ERC2: variants seen among roughly 807,000 people sequenced by gnomAD.
ERC2 encodes the protein ELKS/RAB6-interacting/CAST family member 2.
Under a neutral mutation model 114.8 loss-of-function variants are expected in ERC2, and 42 were observed. The observed-to-expected ratio is 0.37, with a 90% CI of 0.29 to 0.47. The LOEUF is 0.47. Among genes scored for constraint, ERC2 ranks in the 20% least tolerant of loss-of-function variants. The pLI is 0.99. For synonymous variants in ERC2, 454 were observed against 425.5 expected, an observed-to-expected ratio of 1.07 and a Z score of -0.82; for missense variants, 939 against 1,150.7, an observed-to-expected ratio of 0.82 and a Z score of 2.66.
intron 14 of ERC2, among the ~76,000 whole-genome samples, chr3:55,752,839 G>C (rs2066802150): frequency 6.6e-6 from 1 of 152,114 alleles, no homozygotes; most frequent in Admixed American, 6.5e-5. Context: ...AGATACTCTT[G>C]ACACAGAAAA....
intron 3 of ERC2, among the ~76,000 whole-genome samples, chr3:56,192,610 C>T (rs1194904774): frequency 6.6e-6 from 1 of 152,082 alleles, no homozygotes; most frequent in Non-Finnish European, 1.5e-5. Context: ...AAACCCAGGC[C>T]TCCCTAAACA....
chr3:56,397,705 C>T (rs11711109), intron 2 of ERC2, among the ~76,000 whole-genome samples: 39,168 of 152,096 alleles, frequency 0.26, 5,345 homozygotes, highest in Non-Finnish European at 0.3. Context: ...AAGATAACAG[C>T]GGCTTAAACA....
intron 2 of ERC2, among the ~76,000 whole-genome samples, chr3:56,384,095 T>C (rs1348557049): frequency 6.6e-6 from 1 of 152,180 alleles, no homozygotes; most frequent in African/African-American, 2.4e-5. Flanking sequence ...TATCCATTCA[T>C]CCACTGAGGG....
chr3:55,533,120 G>A (rs539169770), intron 17 of ERC2, among the ~76,000 whole-genome samples: 9 of 152,328 alleles, frequency 5.9e-5, no homozygotes, highest in African/African-American at 2.2e-4. Flanking sequence ...ACCAAAATAT[G>A]CTTCTCGCCT....
rs537762508 is a variant in ERC2, at chr3:56,428,923, G to A, written c.657+5428C>T. Among the ~76,000 whole-genome samples the A allele has an allele frequency of 3.9e-5, 6 of 152,272 alleles. No individual in the cohort carries two copies. In the South Asian group the frequency reaches 1.2e-3, roughly 32 times the overall value. On this transcript the variant is annotated intron_variant, in intron 2 of 17. Transcript: ENST00000288221. ...GATCTAGTACAATCTCCGAGTGTGT[G>A]GTGCTATTTATATTCATGCAGAGCC...
intron 1 of ERC2, among the ~76,000 whole-genome samples, chr3:56,459,008 C>T (rs1351400954): frequency 6.6e-6 from 1 of 152,176 alleles, no homozygotes; most frequent in African/African-American, 2.4e-5. Flanking sequence ...TGATGCCCAC[C>T]AGTATCACTG....
intron 14 of ERC2, among the ~76,000 whole-genome samples, chr3:55,819,958 T>C (rs1461474438): frequency 6.6e-6 from 1 of 152,218 alleles, no homozygotes; most frequent in African/African-American, 2.4e-5. Flanking sequence ...GGGTTCCCAA[T>C]TAGCCTCTTG....
At chr3:55,835,166 C>G (rs2060813696) in intron 14 of ERC2, among the ~76,000 whole-genome samples, 1 of 152,062 alleles carries the variant, frequency 6.6e-6, no homozygotes, top group Non-Finnish European at 1.5e-5. Flanking sequence ...CGAATTCTAC[C>G]AGAGGTACAA....
intron 17 of ERC2, among the ~76,000 whole-genome samples, chr3:55,680,229 T>A (rs1194762093): frequency 6.6e-6 from 1 of 152,248 alleles, no homozygotes; most frequent in Admixed American, 6.5e-5. Flanking sequence ...AATTTGCATA[T>A]GTTTTCAATC....
At chr3:56,193,901 G>A (rs1328789698) in intron 3 of ERC2, among the ~76,000 whole-genome samples, 1 of 152,168 alleles carries the variant, frequency 6.6e-6, no homozygotes, top group African/African-American at 2.4e-5. Flanking sequence ...ACACTTCTAT[G>A]TTTATGGTCC....
rs145690085 is a variant in ERC2, at chr3:55,598,544, T to G, written c.*39+85250A>C. Among the ~76,000 whole-genome samples the G allele has an allele frequency of 7.3e-3, 1,107 of 152,370 alleles. 13 individuals are homozygous for G. Among genetic ancestry groups the G allele is most frequent in the African/African-American group, 0.025 (1,045 of 41,604 alleles). ...GTCACTAGCATTTCAGACACCTGCA[T>G]AGTCAACTTGATTCTTTTGCACTGC... On this transcript the variant is annotated intron_variant, in intron 17 of 17. Coordinates refer to ENST00000288221, the MANE Select transcript of ERC2 (RefSeq NM_015576.3).
chr3:56,018,399 G>A (rs180766972), intron 8 of ERC2, among the ~76,000 whole-genome samples: 26 of 152,256 alleles, frequency 1.7e-4, no homozygotes, highest in African/African-American at 5.8e-4. Flanking sequence ...AGAGAGTGAG[G>A]AATATCCTCA....
chr3:55,933,824 T>C (rs1161057024), intron 13 of ERC2, among the ~76,000 whole-genome samples: 2 of 152,182 alleles, frequency 1.3e-5, no homozygotes, highest in Non-Finnish European at 2.9e-5. Context: ...CATATTTAGC[T>C]CAACCTACGC....
intron 4 of ERC2, among the ~76,000 whole-genome samples, chr3:56,162,555 A>C (rs1354166729): frequency 6.6e-6 from 1 of 152,130 alleles, no homozygotes; most frequent in Non-Finnish European, 1.5e-5. Flanking sequence ...TCAATTTTAG[A>C]ACTCAATATT....
At chr3:55,821,010 G>A (rs78765946) in intron 14 of ERC2, among the ~76,000 whole-genome samples, 3,639 of 152,154 alleles carry the variant, frequency 0.024, 79 homozygotes, top group South Asian at 0.084. Context: ...AGAGAAGAAG[G>A]AAGGAAACAG....
rs1186004729 is a variant in ERC2, at chr3:55,888,419, C to T, written c.2534G>A (p.Arg845Lys). The change falls in exon 14 of 18, where the codon AGG becomes AAG. Residue 845 changes from arginine (R) to lysine (K), a missense_variant. Physicochemically the swap from Arg to Lys is conservative, Grantham distance 26. Around this residue, in one of 5 missense-constraint regions of ERC2, gnomAD observed 328 missense variants for 353.9 expected, o/e 0.93. Coordinates refer to ENST00000288221, the MANE Select transcript of ERC2 (RefSeq NM_015576.3). ...CTCCAGGATCTCCTCCAGCTGTTTC[C>T]TCCTCTCAATCCGGAGGTTGGCCAA... The part of the protein sequence containing the change: ...AHLANLRIER[R>K]KQLEEILEMK... 5 of 1,613,890 alleles carry T rather than the reference C, an allele frequency of 3.1e-6. No individual in the cohort carries two copies. The highest frequency in any genetic ancestry group is 3.4e-6 in the Non-Finnish European group (4 of 1,179,834).
intron 14 of ERC2, among the ~76,000 whole-genome samples, chr3:55,770,448 A>G (rs2068108037): frequency 6.6e-6 from 1 of 152,166 alleles, no homozygotes; most frequent in Non-Finnish European, 1.5e-5. Context: ...GTAACATCAG[A>G]GCTGTATTCC....
At position 55,883,539 on chromosome 3, in the gene ERC2, TACAC is replaced by T. The variant is rs34468467; in HGVS notation, c.2564+4846_2564+4849del. 5.2e-3 allele frequency among the ~76,000 whole-genome samples: 752 copies of T among 143,950 alleles called. 3 individuals are homozygous for T. The highest frequency in any genetic ancestry group is 0.013 in the African/African-American group (515 of 39,486). The allele number at this position is 143,950 out of a possible 152,430, so 94.4% of individuals were successfully genotyped here. On this transcript the variant is annotated intron_variant, in intron 14 of 17. Transcript: ENST00000288221. ...TAATAAAAGTGGATATAATTAAACA[TACAC>T]ACACACACACACACACACACACACA...
chr3:55,804,726 C>A (rs2059427393), intron 14 of ERC2, among the ~76,000 whole-genome samples: 1 of 152,056 alleles, frequency 6.6e-6, no homozygotes, highest in African/African-American at 2.4e-5. Flanking sequence ...CCTTCCATAG[C>A]AGGAATGGAT....
Sources: allele counts gnomAD v4.1 joint callset (sites outside exome capture counted in the v4.1 genomes callset), GRCh38; gene constraint gnomAD v4.1.1; regional missense constraint gnomAD v4.1.1; transcripts MANE v1.5; gene names NCBI Gene and HGNC (gene_info 2026-07-23, HGNC 2026-07-21).